TMC1: variants seen among roughly 807,000 people sequenced by gnomAD.
TMC1 encodes transmembrane channel-like protein 1.
Under a neutral mutation model 105.8 loss-of-function variants are expected in TMC1, and 84 were observed. That is an observed-to-expected ratio of 0.79 (90% CI 0.67 to 0.95). TMC1 has a LOEUF of 0.95. Among genes scored for constraint, TMC1 ranks in the 40% least tolerant of loss-of-function variants. TMC1 has a pLI of 0.00. For synonymous variants in TMC1, 315 were observed against 311.5 expected (o/e 1.01, Z -0.12); for missense variants, 817 against 914.1 (o/e 0.89, Z 1.37).
chr9:72,793,809 C>T (rs540164403), intron 17 of TMC1, among the ~76,000 whole-genome samples: 18 of 152,282 alleles, frequency 1.2e-4, no homozygotes, highest in Non-Finnish European at 1.6e-4. Flanking sequence ...TGCCCATCCC[C>T]ATATCGGCTC....
chr9:72,791,061 A>C (rs897112936), intron 15 of TMC1, among the ~76,000 whole-genome samples: 1 of 152,162 alleles, frequency 6.6e-6, no homozygotes. Context: ...TCCCTATTAG[A>C]AAATTAGTAC....
rs1588102259 is a variant in TMC1, at chr9:72,823,314, G to A, written c.2003+2233G>A. ...GAATGCTTGTATGCTTGTACTAGTG[G>A]GTGCCTCATAGCTTGTCATCTTTAT... On this transcript the variant is annotated intron_variant, in intron 20 of 23. Coordinates refer to ENST00000297784, the MANE Select transcript of TMC1 (RefSeq NM_138691.3). Among the ~76,000 whole-genome samples, 4 of 151,998 alleles carry A rather than the reference G, an allele frequency of 2.6e-5. No homozygotes were observed. In the East Asian group the frequency reaches 5.8e-4, roughly 22 times the overall value.
intron 5 of TMC1, among the ~76,000 whole-genome samples, chr9:72,655,428 C>A (rs553097793): frequency 6.6e-6 from 1 of 152,264 alleles, no homozygotes; most frequent in Non-Finnish European, 1.5e-5. Flanking sequence ...GATGAGTAGT[C>A]TGACCATTCC....
chr9:72,596,235 C>T (rs1437907690), intron 2 of TMC1, among the ~76,000 whole-genome samples: 1 of 152,182 alleles, frequency 6.6e-6, no homozygotes, highest in Non-Finnish European at 1.5e-5. Context: ...ACTGTCTGCC[C>T]ATCTGTATCA....
intron 1 of TMC1, among the ~76,000 whole-genome samples, chr9:72,532,709 G>C (rs532134050): frequency 2.5e-4 from 38 of 152,132 alleles, no homozygotes; most frequent in Non-Finnish European, 4.1e-4. Context: ...GATGATTTTG[G>C]ACCATAGACT....
At chr9:72,555,016 T>A (rs1823907045) in intron 1 of TMC1, among the ~76,000 whole-genome samples, 1 of 151,408 alleles carries the variant, frequency 6.6e-6, no homozygotes, top group South Asian at 2.1e-4. Context: ...GTAGCTGGGA[T>A]TACAGGCATG....
At chr9:72,819,508 G>GA (rs1828836900) in intron 19 of TMC1, among the ~76,000 whole-genome samples, 1 of 151,932 alleles carries the variant, frequency 6.6e-6, no homozygotes, top group African/African-American at 2.4e-5. Flanking sequence ...CTTCTCATTA[G>GA]AAAAAAATAG....
intron 1 of TMC1, among the ~76,000 whole-genome samples, chr9:72,545,137 TACACACAC>T (rs61673540): frequency 4.7e-5 from 7 of 148,078 alleles, no homozygotes; most frequent in African/African-American, 1.0e-4. Flanking sequence ...GATATATATA[TACACACAC>T]ACACACACAC....
chr9:72,712,873 C>T (rs1564508072), intron 8 of TMC1, among the ~76,000 whole-genome samples: 3 of 152,088 alleles, frequency 2.0e-5, no homozygotes, highest in African/African-American at 7.2e-5. Context: ...CTTATGCTTC[C>T]AGTTTTTGCC....
At chr9:72,655,927 T>C in intron 5 of TMC1, 1 of 799,378 alleles carries the variant, frequency 1.3e-6, no homozygotes, top group South Asian at 1.3e-5. Context: ...AGCAAGTCAA[T>C]GAGTCGCTTG....
intron 8 of TMC1, among the ~76,000 whole-genome samples, chr9:72,720,197 G>A (rs192671446): frequency 1.6e-3 from 244 of 152,266 alleles, no homozygotes; most frequent in African/African-American, 5.4e-3. Context: ...ATTAATAAGT[G>A]ATAGATCCAC....
chr9:72,568,529 C>T (rs1237224967), intron 1 of TMC1, among the ~76,000 whole-genome samples: 1 of 152,132 alleles, frequency 6.6e-6, no homozygotes, highest in East Asian at 1.9e-4. Flanking sequence ...ACCGCAGCTA[C>T]AAAGGTGAAG....
intron 8 of TMC1, among the ~76,000 whole-genome samples, chr9:72,716,422 G>A (rs747431614): frequency 3.3e-5 from 5 of 152,212 alleles, no homozygotes; most frequent in Non-Finnish European, 7.3e-5. Context: ...ATGAGTCCCT[G>A]ACTGGGGCTG....
At chr9:72,706,001 A>C (rs955343104) in intron 8 of TMC1, among the ~76,000 whole-genome samples, 2 of 152,222 alleles carry the variant, frequency 1.3e-5, no homozygotes, top group African/African-American at 4.8e-5. Context: ...TCAGCTGGCC[A>C]TTAAGGTAAC....
chr9:72,788,300 T>C, intron 13 of TMC1, 39 bp from the exon 14 acceptor site: 2 of 1,613,204 alleles, frequency 1.2e-6, no homozygotes, highest in Non-Finnish European at 8.5e-7. Flanking sequence ...CCCTATCTCA[T>C]TTTTTCTGGC....
chr9:72,706,807 C>G (rs1437604975), intron 8 of TMC1, among the ~76,000 whole-genome samples: 1 of 146,448 alleles, frequency 6.8e-6, no homozygotes, highest in African/African-American at 2.5e-5. Flanking sequence ...TGGGATCTTG[C>G]TCTGTCACCC....
chr9:72,534,926 G>C (rs1389258413), intron 1 of TMC1, among the ~76,000 whole-genome samples: 2 of 152,112 alleles, frequency 1.3e-5, no homozygotes, highest in Non-Finnish European at 2.9e-5. Flanking sequence ...TTTTATACCA[G>C]AGTAGAAACA....
At chr9:72,693,727 T>A (rs2132188769) in intron 6 of TMC1, among the ~76,000 whole-genome samples, 2 of 152,264 alleles carry the variant, frequency 1.3e-5, no homozygotes, top group East Asian at 3.9e-4. Context: ...AATAGTAATG[T>A]TATGTTATAA....
At position 72,754,805 on chromosome 9, in the gene TMC1, A is replaced by G. The variant is rs533159785; in HGVS notation, c.662A>G (p.Tyr221Cys). The G allele has an allele frequency of 1.9e-6, 3 of 1,614,054 alleles. No homozygotes were observed. Among genetic ancestry groups the G allele is most frequent in the East Asian group, 2.2e-5 (1 of 44,884 alleles). Residue 221 changes from tyrosine to cysteine, a missense_variant, in exon 12 of 24, where the codon TAT becomes TGT. Tyr to Cys is a radical substitution (Grantham distance 194). Coordinates refer to ENST00000297784, the MANE Select transcript of TMC1 (RefSeq NM_138691.3). The part of the protein sequence containing the change: ...MLPEYLWGLP[Y>C]GSLPRKTVPR... ...ATACAGTACCTCTGGGGTTTGCCATATGGCAGTTTACCTAGGAAAACCGTT... is the reference window on the plus strand; with the variant it reads ...ATACAGTACCTCTGGGGTTTGCCATGTGGCAGTTTACCTAGGAAAACCGTT...
Sources: gnomAD v4.1 joint callset for allele counts (sites outside exome capture counted in the v4.1 genomes callset) on GRCh38, gnomAD v4.1.1 for gene constraint, MANE v1.5 for transcripts, NCBI Gene and HGNC (gene_info 2026-07-23, HGNC 2026-07-21) for gene names.